Variants in ODAPH observed in about 807,000 individuals in gnomAD.
ODAPH encodes odontogenesis associated phosphoprotein.
Under a neutral mutation model 2.8 loss-of-function variants are expected in ODAPH, and 2 were observed. The ratio of observed to expected loss-of-function variants is 0.72; its 90% CI spans 0.30 to 2.28. The LOEUF (loss-of-function observed/expected upper bound fraction) is 2.28. ODAPH is among the 30% of genes most tolerant of loss of function. ODAPH has a pLI of 0.13. For missense variants in ODAPH, 159 were observed against 163.3 expected (o/e 0.97, Z 0.14); for synonymous variants, 75 against 60.3 (o/e 1.24, Z -1.13).
At chr4:75,564,025 T>G in intron 1 of ODAPH, 89 bp from the exon 2 acceptor site, 1 of 1,143,452 alleles carries the variant, frequency 8.7e-7, no homozygotes, top group Non-Finnish European at 1.3e-6. Flanking sequence ...AATTCTCTCT[T>G]CCCATCTTTC....
At chr4:75,565,843 CTA>C (rs1727793206), downstream of ODAPH, 1 of 151,902 alleles carries the variant, frequency 6.6e-6, no homozygotes, top group African/African-American at 2.4e-5. Context: ...AATCATCATG[CTA>C]TGTTTCTTTG....
chr4:75,565,347 C>T (rs1346051842), downstream of ODAPH: 3 of 152,188 alleles, frequency 2.0e-5, no homozygotes, highest in Non-Finnish European at 4.4e-5. Context: ...TTAATGTTGA[C>T]TTCAACTGAT....
intron 1 of ODAPH, among the ~76,000 whole-genome samples, chr4:75,562,635 A>T (rs1375742698): frequency 1.3e-5 from 2 of 152,078 alleles, no homozygotes; most frequent in Non-Finnish European, 2.9e-5. Flanking sequence ...TCATTTTATC[A>T]TCATTCACAC....
chr4:75,556,621 C>T (rs1283443673), intron 1 of ODAPH: 20 of 1,486,978 alleles, frequency 1.3e-5, no homozygotes, highest in Non-Finnish European at 1.8e-5. Flanking sequence ...TTTAATTAAT[C>T]ACATCTATTG....
chr4:75,556,940 C>T (rs139096213), intron 1 of ODAPH, among the ~76,000 whole-genome samples: 2 of 152,294 alleles, frequency 1.3e-5, no homozygotes, highest in South Asian at 2.1e-4. Flanking sequence ...CACTTCACCC[C>T]TTTCACATGT....
intron 1 of ODAPH, 123 bp downstream of exon 1, chr4:75,556,272 C>A: frequency 9.9e-7 from 1 of 1,014,134 alleles, no homozygotes. Flanking sequence ...CTTCCATCAG[C>A]CTGTGTGGTT....
At chr4:75,558,538 T>C (rs1234676716) in intron 1 of ODAPH, among the ~76,000 whole-genome samples, 1 of 152,082 alleles carries the variant, frequency 6.6e-6, no homozygotes, top group Non-Finnish European at 1.5e-5. Flanking sequence ...TCTTTCATCA[T>C]TACCTTTTTT....
In ODAPH at chr4:75,564,678, T is replaced by C. The variant is rs903753746; in HGVS notation, c.*239T>C. 1.3e-6 allele frequency: 1 copy of C among 745,690 alleles called. No individual in the cohort carries two copies. The highest frequency in any genetic ancestry group is 2.1e-6 in the Non-Finnish European group (1 of 470,300). The allele number at this position is 745,690 out of a possible 1,614,324, so 46.2% of individuals were successfully genotyped here. A position where few individuals can be genotyped will look rare whatever the true frequency, so the allele number is the denominator to read the frequency against. On this transcript the variant is annotated 3_prime_UTR_variant, in exon 2 of 2. Coordinates refer to ENST00000311623, the MANE Select transcript of ODAPH (RefSeq NM_178497.5). ...CGTTATTTTTATCCTCAACCTCTTA[T>C]GGTCACAGGATATTTATGCAAATAA...
At chr4:75,560,780 G>A (rs1727530195) in intron 1 of ODAPH, among the ~76,000 whole-genome samples, 1 of 152,228 alleles carries the variant, frequency 6.6e-6, no homozygotes, top group African/African-American at 2.4e-5. Context: ...TTAGAGAGTA[G>A]CTTCAGGTTT....
At position 75,556,154 on chromosome 4, in the gene ODAPH, G is replaced by T. The variant is rs758136866; in HGVS notation, c.67+5G>T. ...TGGTGGTAACTGTGGCAGAAGGTAA[G>T]GGTTTTGCTTTTATTCTACTGTGGG... On this transcript the variant is annotated splice_donor_5th_base_variant and intron_variant, in intron 1 of 1. Coordinates refer to ENST00000311623, the MANE Select transcript of ODAPH (RefSeq NM_178497.5). 6.2e-6 allele frequency: 10 copies of T among 1,613,794 alleles called. No homozygotes were observed. The highest frequency in any genetic ancestry group is 8.5e-6 in the Non-Finnish European group (10 of 1,179,740).
intron 1 of ODAPH, among the ~76,000 whole-genome samples, chr4:75,562,391 G>GT (rs1481686430): frequency 1.3e-5 from 2 of 150,232 alleles, no homozygotes; most frequent in Non-Finnish European, 3.0e-5. Context: ...CCAGGCTGGA[G>GT]TGCAATGGCG....
At position 75,564,228 on chromosome 4, in the gene ODAPH, C is replaced by A. The variant is rs1325239486; in HGVS notation, c.182C>A (p.Ala61Asp). The A allele has an allele frequency of 6.2e-7, 1 of 1,614,116 alleles. No individual in the cohort carries two copies. The highest frequency in any genetic ancestry group is 1.3e-5 in the African/African-American group (1 of 74,932). The change falls in exon 2 of 2, where the codon GCC becomes GAC. Residue 61 changes from alanine (A) to aspartate (D), a missense_variant. By Grantham distance (126) the Ala-to-Asp change is moderately radical. Transcript: ENST00000311623. ...PPAPRSPVTRAQPITKTPRCP... is the reference protein window; with the variant it reads ...PPAPRSPVTRDQPITKTPRCP... The stretch of plus-strand genomic sequence containing the variant: ...GCCCCGAGGAGTCCGGTCACAAGGG[C>A]CCAGCCCATCACAAAGACACCCAGG...
intron 1 of ODAPH, chr4:75,556,680 A>G (rs1727350388): frequency 2.4e-6 from 2 of 832,752 alleles, no homozygotes. Flanking sequence ...TTTCTTTAGG[A>G]TTTTATTAGA....
At chr4:75,556,602 G>C in intron 1 of ODAPH, 1 of 1,527,748 alleles carries the variant, frequency 6.5e-7, no homozygotes, top group Admixed American at 2.0e-5. Context: ...TTTAGTCTTT[G>C]TTCATTGCTT....
chr4:75,556,618 A>T, intron 1 of ODAPH: 1 of 1,496,010 alleles, frequency 6.7e-7, no homozygotes, highest in Non-Finnish European at 9.0e-7. Flanking sequence ...TGCTTTAATT[A>T]ATCACATCTA....
intron 1 of ODAPH, among the ~76,000 whole-genome samples, chr4:75,563,023 T>TGG (rs1727648311): frequency 2.0e-5 from 2 of 99,908 alleles, no homozygotes; most frequent in Admixed American, 1.0e-4. Flanking sequence ...TTTTTTTTTT[T>TGG]TTTTTTTTTT....
At chr4:75,556,771 C>A (rs1727353217) in intron 1 of ODAPH, among the ~76,000 whole-genome samples, 2 of 152,000 alleles carry the variant, frequency 1.3e-5, no homozygotes, top group Non-Finnish European at 2.9e-5. Context: ...GGTTTGCAAA[C>A]CCCTAGGAAA....
rs1253794052 is a variant in ODAPH, at chr4:75,564,479, C to T, written c.*40C>T. 2 of 1,613,522 alleles carry T rather than the reference C, an allele frequency of 1.2e-6. No individual in the cohort carries two copies. Among genetic ancestry groups the T allele is most frequent in the Non-Finnish European group, 1.7e-6 (2 of 1,179,982 alleles). ...CCAAACATACTGAAGCAAAAAAAAGCCTATCCTTCAGAAAAAAGCAACAAA... is the reference window on the plus strand; with the variant it reads ...CCAAACATACTGAAGCAAAAAAAAGTCTATCCTTCAGAAAAAAGCAACAAA... On this transcript the variant is annotated 3_prime_UTR_variant, in exon 2 of 2. Transcript: ENST00000311623.
intron 1 of ODAPH, among the ~76,000 whole-genome samples, chr4:75,558,542 C>CT (rs1002903965): frequency 2.6e-5 from 4 of 151,322 alleles, no homozygotes; most frequent in African/African-American, 9.7e-5. Context: ...TCATCATTAC[C>CT]TTTTTTTAAA....
Sources: gnomAD v4.1 joint callset for allele counts (sites outside exome capture counted in the v4.1 genomes callset) on GRCh38, gnomAD v4.1.1 for gene constraint, MANE v1.5 for transcripts, NCBI Gene and HGNC (gene_info 2026-07-23, HGNC 2026-07-21) for gene names.